Variants in ANKS1B observed in about 807,000 individuals in gnomAD.
ANKS1B encodes ankyrin repeat and sterile alpha motif domain-containing protein 1B.
A neutral mutation model predicts 148.3 loss-of-function variants in ANKS1B; 36 were observed. The observed-to-expected ratio is 0.24, with a 90% CI of 0.19 to 0.32. The LOEUF (loss-of-function observed/expected upper bound fraction) is 0.32, where lower values mean the gene tolerates loss of function less well. Ranked by LOEUF, ANKS1B falls within the 10% of genes least tolerant of loss-of-function variation. The pLI is 1.00. For synonymous variants in ANKS1B, 542 were observed against 560.8 expected (o/e 0.97, Z 0.47); for missense variants, 1,157 against 1,542.6 (o/e 0.75, Z 4.19).
chr12:99,164,983 T>C (rs2077058276), intron 14 of ANKS1B, among the ~76,000 whole-genome samples: 1 of 152,046 alleles, frequency 6.6e-6, no homozygotes, highest in Admixed American at 6.6e-5. Flanking sequence ...CATTTGTTTG[T>C]AGTTTAGTTA....
chr12:99,324,277 C>T (rs1602938647), intron 12 of ANKS1B, among the ~76,000 whole-genome samples: 1 of 152,126 alleles, frequency 6.6e-6, no homozygotes, highest in Non-Finnish European at 1.5e-5. Context: ...ATCTTCACAA[C>T]ATCCATTTTA....
intron 17 of ANKS1B, among the ~76,000 whole-genome samples, chr12:98,875,462 A>T (rs544159234): frequency 2.0e-5 from 3 of 150,754 alleles, no homozygotes; most frequent in African/African-American, 7.3e-5. Context: ...CCCTTTCCAC[A>T]CTCTGGCCTG....
intron 12 of ANKS1B, among the ~76,000 whole-genome samples, chr12:99,336,673 C>G (rs929445085): frequency 6.6e-6 from 1 of 152,048 alleles, no homozygotes; most frequent in Admixed American, 6.6e-5. Context: ...AATAAGTTCA[C>G]TTTAGATGTA....
intron 17 of ANKS1B, among the ~76,000 whole-genome samples, chr12:98,975,230 CTCCTTCCT>C (rs150543776): frequency 7.4e-6 from 1 of 135,468 alleles, no homozygotes; most frequent in African/African-American, 3.0e-5. Flanking sequence ...TCCCTCCCAT[CTCCTTCCT>C]TCCTTCCTTC....
chr12:99,594,455 C>T (rs1451543977), intron 9 of ANKS1B, among the ~76,000 whole-genome samples: 1 of 151,988 alleles, frequency 6.6e-6, no homozygotes, highest in African/African-American at 2.4e-5. Context: ...TAGAAACAAC[C>T]TAAATGTCTA....
At chr12:99,690,094 G>A (rs777637026) in intron 8 of ANKS1B, among the ~76,000 whole-genome samples, 2 of 152,160 alleles carry the variant, frequency 1.3e-5, no homozygotes, top group Non-Finnish European at 2.9e-5. Context: ...GACAGAGTGA[G>A]TGCAAGCAGG....
At chr12:99,799,898 A>G (rs1370524277) in intron 4 of ANKS1B, among the ~76,000 whole-genome samples, 4 of 152,124 alleles carry the variant, frequency 2.6e-5, no homozygotes, top group African/African-American at 4.8e-5. Context: ...ATAAAACCCT[A>G]TCAGACACTA....
chr12:99,488,902 C>A (rs2096528401), intron 10 of ANKS1B, among the ~76,000 whole-genome samples: 1 of 152,064 alleles, frequency 6.6e-6, no homozygotes, highest in African/African-American at 2.4e-5. Context: ...AAAAACTTGA[C>A]AGATCTTGCC....
chr12:99,542,582 T>C (rs991186401), intron 9 of ANKS1B, among the ~76,000 whole-genome samples: 1 of 152,056 alleles, frequency 6.6e-6, no homozygotes, highest in Non-Finnish European at 1.5e-5. Context: ...TTTATTTATA[T>C]GGAAACAGAA....
chr12:99,885,310 CTTTT>C (rs369104539), intron 1 of ANKS1B, among the ~76,000 whole-genome samples: 4 of 129,916 alleles, frequency 3.1e-5, no homozygotes, highest in Admixed American at 1.6e-4. Flanking sequence ...TTCTCATGTC[CTTTT>C]TTTTTTTTTT....
At chr12:99,243,040 A>T (rs549850826) in intron 14 of ANKS1B, among the ~76,000 whole-genome samples, 1 of 152,342 alleles carries the variant, frequency 6.6e-6, no homozygotes, top group East Asian at 1.9e-4. Flanking sequence ...AGAATAGACA[A>T]ATGGGATCTA....
chr12:99,341,584 A>G (rs940825892), intron 12 of ANKS1B, among the ~76,000 whole-genome samples: 3 of 152,104 alleles, frequency 2.0e-5, no homozygotes, highest in African/African-American at 7.2e-5. Context: ...CAAATTCCCA[A>G]TAGAAATGTA....
chr12:99,703,882 G>C (rs539874754), intron 8 of ANKS1B, among the ~76,000 whole-genome samples: 1 of 152,122 alleles, frequency 6.6e-6, no homozygotes, highest in African/African-American at 2.4e-5. Context: ...TTTTAAATTT[G>C]GTTTGGGGCA....
At chr12:98,849,973 A>G (rs1253663811) in intron 17 of ANKS1B, among the ~76,000 whole-genome samples, 3 of 152,230 alleles carry the variant, frequency 2.0e-5, no homozygotes, top group Non-Finnish European at 4.4e-5. Context: ...GCAATTTATT[A>G]GGAAGCTGGA....
intron 9 of ANKS1B, among the ~76,000 whole-genome samples, chr12:99,554,213 A>T (rs534750506): frequency 2.7e-4 from 41 of 152,320 alleles, no homozygotes; most frequent in African/African-American, 9.1e-4. Flanking sequence ...AAAACTCTTA[A>T]AGAAGAAAAG....
intron 14 of ANKS1B, chr12:99,154,840 C>A: frequency 6.6e-7 from 1 of 1,526,496 alleles, no homozygotes; most frequent in Non-Finnish European, 8.8e-7. Flanking sequence ...GCTCCTTGCT[C>A]CCCCTCGCTC....
chr12:99,649,308 T>C (rs1414965159), intron 9 of ANKS1B: 1 of 1,614,118 alleles, frequency 6.2e-7, no homozygotes, highest in East Asian at 2.2e-5. Flanking sequence ...TGAAGTTTTG[T>C]GAAGAGAAGG....
At chr12:98,825,228 C>T (rs2099238032) in intron 19 of ANKS1B, among the ~76,000 whole-genome samples, 1 of 152,098 alleles carries the variant, frequency 6.6e-6, no homozygotes. Flanking sequence ...TTCTGTATGG[C>T]TCAGCTTCTA....
chr12:99,088,179 G>C (rs1565990789), intron 15 of ANKS1B, among the ~76,000 whole-genome samples: 1 of 152,188 alleles, frequency 6.6e-6, no homozygotes, highest in Admixed American at 6.5e-5. Flanking sequence ...GAGGCATGCT[G>C]TTAGAAATTT....
Sources: gnomAD v4.1 joint callset for allele counts (sites outside exome capture counted in the v4.1 genomes callset) on GRCh38, gnomAD v4.1.1 for gene constraint, MANE v1.5 for transcripts, NCBI Gene and HGNC (gene_info 2026-07-23, HGNC 2026-07-21) for gene names.